The following RILPL1 variants were observed in gnomAD, a reference collection of about 807,000 sequenced individuals.
RILPL1 encodes Rab interacting lysosomal protein like 1.
Under a neutral mutation model 50.3 loss-of-function variants are expected in RILPL1, and 33 were observed. The observed-to-expected ratio is 0.66, with a 90% CI of 0.50 to 0.88. The LOEUF is 0.88. Among genes scored for constraint, RILPL1 ranks in the 40% least tolerant of loss-of-function variants. RILPL1 has a pLI of 0.00. For missense variants in RILPL1, 418 were observed against 542.5 expected, an observed-to-expected ratio of 0.77 and a Z score of 2.28; for synonymous variants, 205 against 228.6, an observed-to-expected ratio of 0.90 and a Z score of 0.93.
chr12:123,475,984 ACCT>A (rs766897252), intron 6 of RILPL1: 41 of 426,144 alleles, frequency 9.6e-5, no homozygotes, highest in Non-Finnish European at 1.6e-4. Context: ...GCTTACTGCA[ACCT>A]CCTCCTCCCG....
chr12:123,485,484 G>A lies in RILPL1; in HGVS notation c.974+149C>T. 1 of 702,960 alleles carries A rather than the reference G, an allele frequency of 1.4e-6. No homozygotes were observed. Among genetic ancestry groups the A allele is most frequent in the South Asian group, 1.8e-5 (1 of 54,412 alleles). 43.5% of individuals were successfully genotyped at this position (702,960 alleles called of 1,614,324 possible). On this transcript the variant is annotated intron_variant, in intron 5 of 6. Transcript: ENST00000376874. The surrounding 1 kb of genome is among the most constrained non-coding windows in gnomAD (Gnocchi z 4.0). ...AGTTTCAGAAAGGGGTTGTGAGCTT[G>A]TATGTAAGTTCTTTAGGCCAGAGAG... is the stretch of plus-strand genomic sequence containing the variant.
intron 2 of RILPL1, among the ~76,000 whole-genome samples, chr12:123,520,462 G>A (rs1884958817): frequency 6.6e-6 from 1 of 152,168 alleles, no homozygotes; most frequent in African/African-American, 2.4e-5. Flanking sequence ...GGGAGGCTGA[G>A]GCAGGAGGAT....
intron 2 of RILPL1, among the ~76,000 whole-genome samples, chr12:123,499,807 T>G (rs1431733574): frequency 6.6e-5 from 10 of 152,282 alleles, no homozygotes; most frequent in Non-Finnish European, 1.5e-4. Flanking sequence ...CGCTTCATTT[T>G]TCAGGCCTCA....
At chr12:123,477,754 G>A (rs1167274880) in intron 6 of RILPL1, among the ~76,000 whole-genome samples, 1 of 152,036 alleles carries the variant, frequency 6.6e-6, no homozygotes, top group Non-Finnish European at 1.5e-5. Flanking sequence ...AGCTTTCCAG[G>A]GGCTCCAAGC....
At chr12:123,519,101 T>C (rs1884881494) in intron 2 of RILPL1, among the ~76,000 whole-genome samples, 1 of 151,326 alleles carries the variant, frequency 6.6e-6, no homozygotes, top group Non-Finnish European at 1.5e-5. Flanking sequence ...TTACTTCATC[T>C]GTTTTACTTT....
At chr12:123,512,749 G>A (rs555074646) in intron 2 of RILPL1, among the ~76,000 whole-genome samples, 261 of 146,662 alleles carry the variant, frequency 1.8e-3, no homozygotes, top group Non-Finnish European at 3.2e-3. Flanking sequence ...AAGTTTGTGT[G>A]TGTGTGTGGT....
At chr12:123,521,500 T>C (rs1025393612) in intron 2 of RILPL1, among the ~76,000 whole-genome samples, 18 of 147,390 alleles carry the variant, frequency 1.2e-4, no homozygotes, top group African/African-American at 4.2e-4. Flanking sequence ...TTCAGTGCCA[T>C]ATATGTTTTT....
At chr12:123,517,301 A>G (rs1328288717) in intron 2 of RILPL1, among the ~76,000 whole-genome samples, 1 of 152,104 alleles carries the variant, frequency 6.6e-6, no homozygotes, top group Non-Finnish European at 1.5e-5. Context: ...CTGCAGAACT[A>G]TGAGAGTAAA....
At chr12:123,501,471 A>AAAC (rs1566127573) in intron 2 of RILPL1, among the ~76,000 whole-genome samples, 4 of 133,012 alleles carry the variant, frequency 3.0e-5, no homozygotes, top group African/African-American at 9.8e-5. Context: ...AACAAACAAA[A>AAAC]AACCTCAGGC....
intron 2 of RILPL1, among the ~76,000 whole-genome samples, chr12:123,515,825 G>A (rs990850790): frequency 2.7e-5 from 4 of 150,878 alleles, no homozygotes; most frequent in South Asian, 2.1e-4. Flanking sequence ...ACCTGAGGTC[G>A]GGAGTTCAAG....
chr12:123,490,488 C>T (rs1882619725), intron 4 of RILPL1, among the ~76,000 whole-genome samples: 1 of 151,888 alleles, frequency 6.6e-6, no homozygotes, highest in African/African-American at 2.4e-5. Flanking sequence ...AACCTGAGTT[C>T]TTTTTTTTCT....
chr12:123,518,816 T>C (rs1884855547), intron 2 of RILPL1, among the ~76,000 whole-genome samples: 1 of 151,912 alleles, frequency 6.6e-6, no homozygotes, highest in African/African-American at 2.4e-5. Flanking sequence ...CCCAGCACTT[T>C]GGGAGGCCGA....
chr12:123,520,575 CA>C (rs1419623688), intron 2 of RILPL1, among the ~76,000 whole-genome samples: 78 of 152,212 alleles, frequency 5.1e-4, no homozygotes, highest in East Asian at 1.4e-3. Context: ...AACAAACAAA[CA>C]AACAAACAAA....
chr12:123,529,981 A>G (rs1885392463), intron 1 of RILPL1, among the ~76,000 whole-genome samples: 2 of 152,098 alleles, frequency 1.3e-5, no homozygotes, highest in African/African-American at 4.8e-5. Flanking sequence ...AGCATTTGAC[A>G]TGTGGCTGGT....
At chr12:123,519,126 G>A (rs1481849117) in intron 2 of RILPL1, among the ~76,000 whole-genome samples, 1 of 150,012 alleles carries the variant, frequency 6.7e-6, no homozygotes, top group Non-Finnish European at 1.5e-5. Flanking sequence ...AATGTGCCAA[G>A]TAGAAGAATG....
intron 2 of RILPL1, among the ~76,000 whole-genome samples, chr12:123,504,164 T>C (rs994828147): frequency 6.6e-6 from 1 of 152,194 alleles, no homozygotes; most frequent in African/African-American, 2.4e-5. Flanking sequence ...ACCTGCTCCG[T>C]GAAGCCTGGG....
At position 123,495,411 on chromosome 12, in the gene RILPL1, G is replaced by A. The variant is rs147492494; in HGVS notation, c.801+3133C>T. On this transcript the variant is annotated intron_variant, in intron 4 of 6. Coordinates refer to ENST00000376874, the MANE Select transcript of RILPL1 (RefSeq NM_178314.5). ...TTTTTTTGAGACAGAGTCTCACTCT[G>A]TCACCCAGGCTGGAGTGCAGTGGTG... is the stretch of plus-strand genomic sequence containing the variant. 7.2e-4 allele frequency among the ~76,000 whole-genome samples: 101 copies of A among 139,754 alleles called. 2 individuals are homozygous for A. In the East Asian group the frequency reaches 0.017, roughly 23 times the overall value. The allele number at this position is 139,754 out of a possible 152,430, so 91.7% of individuals were successfully genotyped here.
intron 6 of RILPL1, chr12:123,475,505 A>G (rs964026350): frequency 3.2e-6 from 2 of 627,908 alleles, no homozygotes; most frequent in Non-Finnish European, 5.8e-6. Flanking sequence ...CCAGTGGCAC[A>G]GCTGAAATCA....
chr12:123,485,565 CTG>C lies in RILPL1; in HGVS notation c.974+66_974+67del. 6.9e-7 allele frequency: 1 copy of C among 1,449,532 alleles called. No individual in the cohort carries two copies. Among genetic ancestry groups the C allele is most frequent in the Non-Finnish European group, 9.5e-7 (1 of 1,053,990 alleles). The allele number at this position is 1,449,532 out of a possible 1,614,324, so 89.8% of individuals were successfully genotyped here. ...TGTCTTCCAGGGGGTAAGAAGGTAA[CTG>C]TACAGAAACTCTGGCTAACCTCAGT... On this transcript the variant is annotated intron_variant, in intron 5 of 6. Coordinates refer to ENST00000376874, the MANE Select transcript of RILPL1 (RefSeq NM_178314.5). This position sits in a 1 kb window ranked among gnomAD's most constrained non-coding sequence, Gnocchi z 4.0.
Sources: gnomAD v4.1 joint callset for allele counts (sites outside exome capture counted in the v4.1 genomes callset) on GRCh38, gnomAD v4.1.1 for gene constraint, Gnocchi (gnomAD v3.1) non-coding constraint, MANE v1.5 for transcripts, NCBI Gene and HGNC (gene_info 2026-07-23, HGNC 2026-07-21) for gene names.